MAP2K5: variants seen among roughly 807,000 people sequenced by gnomAD.
MAP2K5 encodes mitogen-activated protein kinase kinase 5, also known as dual specificity mitogen-activated protein kinase kinase 5.
MAP2K5 carries 49 observed loss-of-function variants against 83.1 expected under a neutral mutation model. The observed-to-expected ratio is 0.59, with a 90% CI of 0.47 to 0.75. The LOEUF is 0.75. MAP2K5 is among the 30% of genes least tolerant of loss of function. The pLI, the probability that MAP2K5 is intolerant of heterozygous loss-of-function variation, is 0.00. For synonymous variants in MAP2K5, 202 were observed against 191.8 expected, an observed-to-expected ratio of 1.05 and a Z score of -0.44; for missense variants, 457 against 557.5, an observed-to-expected ratio of 0.82 and a Z score of 1.82.
intron 3 of MAP2K5, among the ~76,000 whole-genome samples, chr15:67,568,646 C>T (rs1312514922): frequency 6.6e-6 from 1 of 152,026 alleles, no homozygotes; most frequent in Non-Finnish European, 1.5e-5. Context: ...ACTGCTTTTT[C>T]CTGAGTGTAA....
chr15:67,626,761 A>G (rs2086333787), intron 8 of MAP2K5, among the ~76,000 whole-genome samples: 1 of 151,128 alleles, frequency 6.6e-6, no homozygotes, highest in African/African-American at 2.4e-5. Flanking sequence ...TTAGCCAGGC[A>G]TGGTGGTATA....
chr15:67,671,640 A>C (rs904818836), intron 13 of MAP2K5, among the ~76,000 whole-genome samples: 1 of 151,870 alleles, frequency 6.6e-6, no homozygotes, highest in Non-Finnish European at 1.5e-5. Flanking sequence ...GATGGAAAGC[A>C]AGAACACGTT....
intron 4 of MAP2K5, among the ~76,000 whole-genome samples, chr15:67,582,174 G>C (rs928304546): frequency 6.7e-6 from 1 of 148,366 alleles, no homozygotes; most frequent in Non-Finnish European, 1.5e-5. Flanking sequence ...TGATTCTCCT[G>C]CCTCAGCCTC....
chr15:67,796,583 G>A (rs2090607998), intron 21 of MAP2K5, among the ~76,000 whole-genome samples: 1 of 152,142 alleles, frequency 6.6e-6, no homozygotes, highest in South Asian at 2.1e-4. Flanking sequence ...CCTCCTACCA[G>A]GCCCCATCCC....
chr15:67,670,713 A>C (rs933987136), intron 13 of MAP2K5, among the ~76,000 whole-genome samples: 1 of 151,002 alleles, frequency 6.6e-6, no homozygotes, highest in African/African-American at 2.4e-5. Flanking sequence ...CAGCCAGCCA[A>C]CCCCCCCACC....
At chr15:67,795,065 G>A (rs1188887577) in intron 21 of MAP2K5, among the ~76,000 whole-genome samples, 1 of 152,198 alleles carries the variant, frequency 6.6e-6, no homozygotes, top group Non-Finnish European at 1.5e-5. Context: ...CCTTTCTGCT[G>A]TTGTGAGTCG....
chr15:67,566,066 T>G (rs143341786), intron 3 of MAP2K5, among the ~76,000 whole-genome samples: 1 of 152,356 alleles, frequency 6.6e-6, no homozygotes, highest in East Asian at 1.9e-4. Context: ...AGGTTCAATT[T>G]GGCTCTGAAG....
chr15:67,630,862 G>T (rs1412291350), intron 8 of MAP2K5, 26 bp from the exon 9 acceptor site: 1 of 1,594,844 alleles, frequency 6.3e-7, no homozygotes, highest in South Asian at 1.1e-5. Context: ...GATCCCAAAT[G>T]ATTTTGTTTT....
rs867669336 is a variant in MAP2K5, at chr15:67,750,611, A to G, written c.1134+2010A>G. Among the ~76,000 whole-genome samples the G allele has an allele frequency of 7.2e-5, 11 of 152,292 alleles. 1 individual carries two copies. The Middle Eastern group carries it at 0.037, about 518-fold the overall frequency. On this transcript the variant is annotated intron_variant, in intron 19 of 21. Transcript: ENST00000178640. This position sits in a 1 kb window ranked among gnomAD's most constrained non-coding sequence, Gnocchi z 4.2. ...CCCAGATCGCTGAATTAGACTTTCTAGGGATCGTGCCTAGAATCTACTAGT... is the reference window on the plus strand; with the variant it reads ...CCCAGATCGCTGAATTAGACTTTCTGGGGATCGTGCCTAGAATCTACTAGT...
chr15:67,584,899 T>C (rs1010756434), intron 4 of MAP2K5, among the ~76,000 whole-genome samples: 1 of 151,656 alleles, frequency 6.6e-6, no homozygotes, highest in Non-Finnish European at 1.5e-5. Flanking sequence ...CGTTTCACCA[T>C]ATTGGCCAGG....
At position 67,563,458 on chromosome 15, in the gene MAP2K5, T is replaced by A; in HGVS notation, c.252+108T>A. The stretch of plus-strand genomic sequence containing the variant: ...TAAATAAATCACAGTTGTCATACAT[T>A]TTTCTATATAATAGGTAAAGGTTTC... On this transcript the variant is annotated intron_variant, in intron 3 of 21. Coordinates refer to ENST00000178640, the MANE Select transcript of MAP2K5 (RefSeq NM_145160.3). This position sits in a 1 kb window ranked among gnomAD's most constrained non-coding sequence, Gnocchi z 4.5. The A allele has an allele frequency of 7.2e-7, 1 of 1,390,638 alleles. No homozygotes were observed. The highest frequency in any genetic ancestry group is 9.6e-7 in the Non-Finnish European group (1 of 1,038,920). 86.1% of individuals were successfully genotyped at this position (1,390,638 alleles called of 1,614,324 possible).
chr15:67,624,226 C>T (rs2086256254), intron 8 of MAP2K5, among the ~76,000 whole-genome samples: 1 of 150,992 alleles, frequency 6.6e-6, no homozygotes, highest in African/African-American at 2.4e-5. Context: ...GTAGTCTTAG[C>T]TACTCGGGAG....
At chr15:67,666,642 G>A (rs1468846194) in intron 13 of MAP2K5, among the ~76,000 whole-genome samples, 1 of 151,692 alleles carries the variant, frequency 6.6e-6, no homozygotes, top group East Asian at 1.9e-4. Flanking sequence ...AAGGGCTGCA[G>A]TGGTTTGACT....
chr15:67,575,758 G>A lies in MAP2K5; in HGVS notation c.253-4996G>A, dbSNP rs934435582. Among the ~76,000 whole-genome samples, 14 of 152,162 alleles carry A rather than the reference G, an allele frequency of 9.2e-5. No individual in the cohort carries two copies. The South Asian group carries it at 1.5e-3, about 16-fold the overall frequency. On this transcript the variant is annotated intron_variant, in intron 3 of 21. Coordinates refer to ENST00000178640, the MANE Select transcript of MAP2K5 (RefSeq NM_145160.3). ...AGAGGTGATGATACTTATAGAATAGGATAGGATTGTAAAAAACTAAGTGAA... is the reference window on the plus strand; with the variant it reads ...AGAGGTGATGATACTTATAGAATAGAATAGGATTGTAAAAAACTAAGTGAA...
intron 2 of MAP2K5, among the ~76,000 whole-genome samples, chr15:67,554,308 C>T (rs572163566): frequency 3.5e-4 from 53 of 152,306 alleles, no homozygotes; most frequent in African/African-American, 1.2e-3. Context: ...ATCCATGCTC[C>T]TCAGCCTCTC....
chr15:67,628,384 G>A (rs1381086628), intron 8 of MAP2K5: 10 of 533,682 alleles, frequency 1.9e-5, no homozygotes, highest in Middle Eastern at 5.0e-4. Context: ...GGAGGCTGAG[G>A]CAGGAGCATT....
chr15:67,594,263 A>G (rs550374780), intron 7 of MAP2K5, among the ~76,000 whole-genome samples: 1 of 152,300 alleles, frequency 6.6e-6, no homozygotes, highest in Non-Finnish European at 1.5e-5. Context: ...TGAGGTCCAC[A>G]TCTGTATCAC....
rs1385396485 is a variant in MAP2K5, at chr15:67,790,351, A to C, written c.1243-16295A>C. Among the ~76,000 whole-genome samples the C allele has an allele frequency of 6.6e-6, 1 of 152,170 alleles. No homozygotes were observed. The highest frequency in any genetic ancestry group is 1.5e-5 in the Non-Finnish European group (1 of 68,012). ...GTTTTTGGGACTACGGGTTCATTAC[A>C]CTTCTGAGTGTGAGGTCTTTCCACA... is the stretch of plus-strand genomic sequence containing the variant. On this transcript the variant is annotated intron_variant, in intron 21 of 21. Coordinates refer to ENST00000178640, the MANE Select transcript of MAP2K5 (RefSeq NM_145160.3). This position sits in a 1 kb window ranked among gnomAD's most constrained non-coding sequence, Gnocchi z 4.6.
Position 67,682,125 on chromosome 15 carries a change from C to G in MAP2K5, c.848-10354C>G, listed in dbSNP as rs1024500408. On this transcript the variant is annotated intron_variant, in intron 13 of 21. Transcript: ENST00000178640. ...ATATAACTACCTCCTTAAAAGTAAT[C>G]TTTCTGCCTAATCTGTTGTGCTGTT... Among the ~76,000 whole-genome samples the G allele has an allele frequency of 3.3e-5, 5 of 152,016 alleles. No individual in the cohort carries two copies. In the South Asian group the frequency reaches 1.0e-3, roughly 32 times the overall value.
Sources: gnomAD v4.1 joint callset for allele counts (sites outside exome capture counted in the v4.1 genomes callset) on GRCh38, gnomAD v4.1.1 for gene constraint, Gnocchi (gnomAD v3.1) non-coding constraint, MANE v1.5 for transcripts, NCBI Gene and HGNC (gene_info 2026-07-23, HGNC 2026-07-21) for gene names.